Variants in CFAP43 observed in about 807,000 individuals in gnomAD.
CFAP43 encodes the protein cilia and flagella associated protein 43.
Under a neutral mutation model 218.9 loss-of-function variants are expected in CFAP43, and 155 were observed. That is an observed-to-expected ratio of 0.71 (90% CI 0.62 to 0.81). CFAP43 has a LOEUF of 0.81. Ranked by LOEUF, CFAP43 falls within the 30% of genes least tolerant of loss-of-function variation. The probability of loss-of-function intolerance (pLI) is 0.00; values close to 1 mark genes in which losing one functional copy is unlikely to be tolerated. For synonymous variants in CFAP43, 645 were observed against 681.3 expected (o/e 0.95, Z 0.83); for missense variants, 1,778 against 1,954.3 (o/e 0.91, Z 1.70).
chr10:104,177,277 A>C (rs1414070274), intron 19 of CFAP43, among the ~76,000 whole-genome samples: 1 of 152,202 alleles, frequency 6.6e-6, no homozygotes, highest in Non-Finnish European at 1.5e-5. Context: ...CCAGCAACAC[A>C]TGATAAAGCA....
In CFAP43 at chr10:104,212,160, G is replaced by A; in HGVS notation, c.585-3C>T. The A allele has an allele frequency of 1.2e-6, 2 of 1,611,982 alleles. No individual in the cohort carries two copies. The highest frequency in any genetic ancestry group is 1.7e-6 in the Non-Finnish European group (2 of 1,178,706). ...CTTCTAGAGGTAATTTCACCGACCT[G>A]TAGACAAAAGAGGCATCAGAACAAT... On this transcript the variant is annotated splice_region_variant and splice_polypyrimidine_tract_variant and intron_variant, in intron 4 of 37. Coordinates refer to ENST00000357060, the MANE Select transcript of CFAP43 (RefSeq NM_025145.7).
chr10:104,171,888 ATGACGAGGCTAT>A (rs2089428667), intron 20 of CFAP43, among the ~76,000 whole-genome samples: 1 of 152,228 alleles, frequency 6.6e-6, no homozygotes, highest in South Asian at 2.1e-4. Context: ...CGGCATGATG[ATGACGAGGCTAT>A]TGAAACTATA....
In CFAP43 at chr10:104,161,053, C is replaced by A. The variant is rs367754043; in HGVS notation, c.3524G>T (p.Arg1175Ile). 1 of 1,609,452 alleles carries A rather than the reference C, an allele frequency of 6.2e-7. No homozygotes were observed. The highest frequency in any genetic ancestry group is 8.5e-7 in the Non-Finnish European group (1 of 1,176,340). Reference sequence around the variant, plus strand: ...TCTTCTGACCTTTCTATACTTATCTCTTTCTTCATTTAACTCCTTTACTTT... The same window carrying A: ...TCTTCTGACCTTTCTATACTTATCTATTTCTTCATTTAACTCCTTTACTTT... ...EKKVKELNEE[R>I]DKYRKSLEAE... The change falls in exon 27 of 38, where the codon AGA becomes ATA. Residue 1175 changes from arginine (R) to isoleucine (I), a missense_variant. This residue lies in a region of CFAP43 where 1,553 missense variants were observed against 1,685.2 expected (regional missense o/e 0.92). Coordinates refer to ENST00000357060, the MANE Select transcript of CFAP43 (RefSeq NM_025145.7).
At chr10:104,162,146 G>T in intron 25 of CFAP43, 105 bp from the exon 26 acceptor site, 4 of 1,320,892 alleles carry the variant, frequency 3.0e-6, no homozygotes, top group Non-Finnish European at 4.3e-6. Context: ...CTGCATTTGG[G>T]ATTGGGGAAG....
chr10:104,161,516 C>T (rs2088871250), intron 26 of CFAP43, among the ~76,000 whole-genome samples: 1 of 152,182 alleles, frequency 6.6e-6, no homozygotes, highest in South Asian at 2.1e-4. Context: ...AAACAGTATT[C>T]CTGCCTTCAA....
intron 27 of CFAP43, among the ~76,000 whole-genome samples, chr10:104,156,269 C>A (rs530429857): frequency 6.6e-6 from 1 of 151,970 alleles, no homozygotes; most frequent in Non-Finnish European, 1.5e-5. Flanking sequence ...GTAATGTTAT[C>A]CTCACAGAAA....
Position 104,129,997 on chromosome 10 carries a change from TA to T in CFAP43, c.*141del. ...ATTTGTATACAATTAAGGCTAAAAT[TA>T]AACAATTTTTTATCTAAAACATGCA... is the stretch of plus-strand genomic sequence containing the variant. On this transcript the variant is annotated 3_prime_UTR_variant, in exon 38 of 38. Transcript: ENST00000357060. The T allele has an allele frequency of 9.4e-7, 1 of 1,061,442 alleles. No individual in the cohort carries two copies. The highest frequency in any genetic ancestry group is 1.3e-6 in the Non-Finnish European group (1 of 781,490). 65.8% of individuals were successfully genotyped at this position (1,061,442 alleles called of 1,614,324 possible). A position where few individuals can be genotyped will look rare whatever the true frequency, so the allele number is the denominator to read the frequency against.
intron 21 of CFAP43, among the ~76,000 whole-genome samples, chr10:104,168,373 T>C (rs890111315): frequency 3.9e-5 from 6 of 152,116 alleles, no homozygotes; most frequent in Non-Finnish European, 8.8e-5. Flanking sequence ...GAGAAACAGC[T>C]CCTTAGAAAA....
chr10:104,222,885 T>C (rs868699872), intron 3 of CFAP43, among the ~76,000 whole-genome samples: 4 of 152,194 alleles, frequency 2.6e-5, no homozygotes, highest in Non-Finnish European at 5.9e-5. Flanking sequence ...AGGAAGTTAA[T>C]GTAAATGAAT....
intron 19 of CFAP43, among the ~76,000 whole-genome samples, chr10:104,175,600 C>T (rs1453221943): frequency 6.6e-6 from 1 of 152,188 alleles, no homozygotes; most frequent in Non-Finnish European, 1.5e-5. Context: ...GCTGGCAACA[C>T]AGTACACTTC....
At chr10:104,180,086 C>T (rs1318627038) in intron 17 of CFAP43, among the ~76,000 whole-genome samples, 154 bp from the exon 18 acceptor site, 2 of 152,146 alleles carry the variant, frequency 1.3e-5, no homozygotes, top group East Asian at 3.8e-4. Context: ...CAAGATGTAA[C>T]ATTTTATTCA....
Position 104,192,247 on chromosome 10 carries a change from TAAAG to T in CFAP43, c.1494_1497del (p.Phe499LeufsTer31). 6.2e-7 allele frequency: 1 copy of T among 1,613,254 alleles called. No homozygotes were observed. Among genetic ancestry groups the T allele is most frequent in the African/African-American group, 1.3e-5 (1 of 75,014 alleles). On this transcript the variant is annotated frameshift_variant, in exon 12 of 38. Coordinates refer to ENST00000357060, the MANE Select transcript of CFAP43 (RefSeq NM_025145.7). LOFTEE classifies it high-confidence loss of function. ...GAGCTTGAGGAGTTGGCATTGATAA[TAAAG>T]ACTTTTCCTTCTGCTGTTCCAACTA...
chr10:104,195,205 C>T (rs189958218), intron 10 of CFAP43, among the ~76,000 whole-genome samples: 316 of 152,256 alleles, frequency 2.1e-3, no homozygotes, highest in Middle Eastern at 3.4e-3. Flanking sequence ...CAGTCCCGGA[C>T]GCAGGCAGAG....
rs1375392902 is a variant in CFAP43 at position 104,164,269 on chromosome 10, T to C, written c.3071A>G (p.Asn1024Ser). Reference protein sequence around the residue: ...DIIYKVKTVFNNEFDAAYKQK... With the variant: ...DIIYKVKTVFSNEFDAAYKQK... ...TTTATATGCAGCGTCAAACTCATTATTGAAAACAGTTTTTACCTTGTAAAT... is the reference window on the plus strand; with the variant it reads ...TTTATATGCAGCGTCAAACTCATTACTGAAAACAGTTTTTACCTTGTAAAT... Residue 1024 changes from asparagine (N) to serine (S), a missense_variant, in exon 24 of 38, where the codon AAT (asparagine) becomes AGT (serine). Asn to Ser is a conservative substitution (Grantham distance 46). Transcript: ENST00000357060. The C allele has an allele frequency of 1.2e-6, 2 of 1,608,984 alleles. No individual in the cohort carries two copies. The highest frequency in any genetic ancestry group is 1.3e-5 in the African/African-American group (1 of 74,886).
chr10:104,162,437 C>A, intron 24 of CFAP43, 34 bp from the exon 25 acceptor site: 2 of 1,576,170 alleles, frequency 1.3e-6, no homozygotes, highest in Non-Finnish European at 1.7e-6. Context: ...TGCTATTATT[C>A]TTACAAAATT....
Position 104,196,906 on chromosome 10 carries a change from C to T in CFAP43, c.1240G>A (p.Val414Ile). Residue 414 changes from valine to isoleucine, a missense_variant, in exon 10 of 38, where the codon GTT becomes ATT. This residue lies in a region of CFAP43 where 1,553 missense variants were observed against 1,685.2 expected (regional missense o/e 0.92). Transcript: ENST00000357060. ...CAAGCACAATCCTCCAGCCACCAAACACAAATTTCCCCTGAATATGTAAGT... is the reference window on the plus strand; with the variant it reads ...CAAGCACAATCCTCCAGCCACCAAATACAAATTTCCCCTGAATATGTAAGT... ...MTLTYSGEIC[V>I]WWLEDCACVS... 1 of 1,613,020 alleles carries T rather than the reference C, an allele frequency of 6.2e-7. No individual in the cohort carries two copies. The highest frequency in any genetic ancestry group is 1.1e-5 in the South Asian group (1 of 90,940).
intron 24 of CFAP43, 28 bp downstream of exon 24, chr10:104,164,066 G>A (rs928349753): frequency 6.2e-7 from 1 of 1,608,166 alleles, no homozygotes; most frequent in African/African-American, 1.3e-5. Flanking sequence ...TGAGAAAGAA[G>A]GGAAAGGAGA....
chr10:104,168,976 C>T, intron 20 of CFAP43, 128 bp from the exon 21 acceptor site: 1 of 700,568 alleles, frequency 1.4e-6, no homozygotes, highest in Non-Finnish European at 2.4e-6. Flanking sequence ...CTTTCTCCAA[C>T]ACTTTGAGCC....
intron 22 of CFAP43, 79 bp downstream of exon 22, chr10:104,167,542 C>A: frequency 9.4e-7 from 1 of 1,067,024 alleles, no homozygotes; most frequent in Non-Finnish European, 1.3e-6. Flanking sequence ...TAAATTACAT[C>A]CCAACTCAAA....
Sources: gnomAD v4.1 joint callset for allele counts (sites outside exome capture counted in the v4.1 genomes callset) on GRCh38, gnomAD v4.1.1 for gene constraint, gnomAD v4.1.1 regional missense constraint, MANE v1.5 for transcripts, NCBI Gene and HGNC (gene_info 2026-07-23, HGNC 2026-07-21) for gene names.